NLN: variants seen among roughly 807,000 people sequenced by gnomAD.
NLN encodes neurolysin, mitochondrial.
Under a neutral mutation model 79.9 loss-of-function variants are expected in NLN, and 64 were observed. That is an observed-to-expected ratio of 0.80 (90% CI 0.65 to 0.99). NLN has a LOEUF of 0.99. NLN is among the 50% of genes least tolerant of loss of function. The pLI is 0.00. For synonymous variants in NLN, 267 were observed against 296.6 expected (o/e 0.90, Z 1.02); for missense variants, 835 against 858.7 (o/e 0.97, Z 0.34).
At position 65,825,303 on chromosome 5, in the gene NLN, T is replaced by C. The variant is rs1373149422; in HGVS notation, c.*2388T>C. 6.6e-6 allele frequency: 1 copy of C among 152,150 alleles called. No individual in the cohort carries two copies. Among genetic ancestry groups the C allele is most frequent in the African/African-American group, 2.4e-5 (1 of 41,412 alleles). 9.4% of individuals were successfully genotyped at this position (152,150 alleles called of 1,614,324 possible). A position where few individuals can be genotyped will look rare whatever the true frequency, so the allele number is the denominator to read the frequency against. On this transcript the variant is annotated 3_prime_UTR_variant, in exon 13 of 13. Transcript: ENST00000380985. Reference sequence around the variant, plus strand: ...GGTGGATAACTATGTAAATTGTAATTGGACAAATGTACACTTTAGATTTAT... The same window carrying C: ...GGTGGATAACTATGTAAATTGTAATCGGACAAATGTACACTTTAGATTTAT...
At chr5:65,807,162 G>A (rs1760431118) in intron 9 of NLN, among the ~76,000 whole-genome samples, 2 of 140,438 alleles carry the variant, frequency 1.4e-5, no homozygotes, top group Non-Finnish European at 3.0e-5. Flanking sequence ...GGGCAACAGA[G>A]CAAGACCCTG....
chr5:65,784,216 C>T (rs575409049), intron 6 of NLN, among the ~76,000 whole-genome samples: 37 of 152,188 alleles, frequency 2.4e-4, no homozygotes, highest in African/African-American at 8.4e-4. Flanking sequence ...TTTTCTTTTA[C>T]TTTAACATTT....
At chr5:65,794,893 A>G (rs1243875325) in intron 9 of NLN, among the ~76,000 whole-genome samples, 1 of 152,186 alleles carries the variant, frequency 6.6e-6, no homozygotes, top group African/African-American at 2.4e-5. Context: ...TCAACATTTT[A>G]TCTTTAACCT....
chr5:65,774,306 A>C (rs1759633738), intron 3 of NLN, among the ~76,000 whole-genome samples: 1 of 152,160 alleles, frequency 6.6e-6, no homozygotes, highest in Non-Finnish European at 1.5e-5. Flanking sequence ...TTTAAAAATC[A>C]CTTCTAAGAA....
intron 8 of NLN, 106 bp downstream of exon 8, chr5:65,788,590 C>G: frequency 2.6e-6 from 3 of 1,134,062 alleles, no homozygotes; most frequent in Non-Finnish European, 3.8e-6. Context: ...AATCCCAACA[C>G]TTTGGGAGGC....
intron 9 of NLN, among the ~76,000 whole-genome samples, chr5:65,795,107 C>T (rs1760146837): frequency 6.6e-6 from 1 of 151,818 alleles, no homozygotes; most frequent in Non-Finnish European, 1.5e-5. Flanking sequence ...AATCCCAGCA[C>T]TTTGGGAGGC....
chr5:65,777,484 A>G lies in NLN; in HGVS notation c.508A>G (p.Ile170Val), dbSNP rs373693094. 2.4e-5 allele frequency: 39 copies of G among 1,613,466 alleles called. No individual in the cohort carries two copies. The highest frequency in any genetic ancestry group is 3.2e-5 in the Non-Finnish European group (38 of 1,179,526). The change falls in exon 4 of 13, where the codon ATT (isoleucine) becomes GTT (valine). Residue 170 changes from isoleucine (I) to valine (V), a missense_variant. Coordinates refer to ENST00000380985, the MANE Select transcript of NLN (RefSeq NM_020726.5). The stretch of plus-strand genomic sequence containing the variant: ...GGCCAGACGATACTTGGAAAAGTCA[A>G]TTAAAATGGGGAAAAGAAATGGGCT... The part of the protein sequence containing the change: ...PEARRYLEKS[I>V]KMGKRNGLHL...
intron 12 of NLN, among the ~76,000 whole-genome samples, chr5:65,821,802 T>A (rs1360628826): frequency 6.6e-6 from 1 of 152,182 alleles, no homozygotes. Flanking sequence ...CCCTAGGACA[T>A]AAATCATTTT....
chr5:65,779,317 A>G (rs1338387333), intron 4 of NLN, among the ~76,000 whole-genome samples: 5 of 152,076 alleles, frequency 3.3e-5, no homozygotes. Context: ...AAATTTCATT[A>G]TGTAACATTG....
chr5:65,817,163 C>A (rs558876706), intron 12 of NLN, among the ~76,000 whole-genome samples: 1 of 152,114 alleles, frequency 6.6e-6, no homozygotes, highest in Non-Finnish European at 1.5e-5. Flanking sequence ...TGACTGCTTA[C>A]CTATAATAGC....
rs775435034 is a variant in NLN at position 65,809,698 on chromosome 5, A to C, written c.1711A>C (p.Thr571Pro). 1 of 1,583,346 alleles carries C rather than the reference A, an allele frequency of 6.3e-7. No individual in the cohort carries two copies. Among genetic ancestry groups the C allele is most frequent in the Non-Finnish European group, 8.6e-7 (1 of 1,168,310 alleles). ...EKLVASRLVN[T>P]GLLTLRQIVL... ...ACTTGTTGCTTCTAGGCTGGTCAAC[A>C]CAGGTATGACTTCTAATTTTAAAAA... The change falls in exon 10 of 13, where the codon ACA (threonine) becomes CCA (proline). Residue 571 changes from threonine to proline, a missense_variant. Transcript: ENST00000380985.
intron 4 of NLN, among the ~76,000 whole-genome samples, chr5:65,779,406 T>G (rs1759750610): frequency 6.6e-6 from 1 of 152,074 alleles, no homozygotes; most frequent in African/African-American, 2.4e-5. Context: ...TCATTTGATC[T>G]CCCACCTAAT....
chr5:65,739,465 T>A (rs1241571556), intron 1 of NLN, among the ~76,000 whole-genome samples: 3 of 152,198 alleles, frequency 2.0e-5, no homozygotes, highest in Non-Finnish European at 4.4e-5. Context: ...GTGAATAATA[T>A]ATAGCAAACA....
intron 3 of NLN, among the ~76,000 whole-genome samples, chr5:65,776,778 A>G (rs1056547451): frequency 2.0e-5 from 3 of 152,112 alleles, no homozygotes; most frequent in African/African-American, 4.8e-5. Flanking sequence ...GCTGCTGCAT[A>G]TAGATTCAAA....
At position 65,824,268 on chromosome 5, in the gene NLN, A is replaced by G. The variant is rs1431820557; in HGVS notation, c.*1353A>G. On this transcript the variant is annotated 3_prime_UTR_variant, in exon 13 of 13. Coordinates refer to ENST00000380985, the MANE Select transcript of NLN (RefSeq NM_020726.5). ...CCTTCCGATTCTCTAGTCCAAATGA[A>G]CTTTGTGCTAAATAAAAAATTATTA... 1.3e-5 allele frequency: 2 copies of G among 152,216 alleles called. No homozygotes were observed. Among genetic ancestry groups the G allele is most frequent in the Non-Finnish European group, 2.9e-5 (2 of 68,038 alleles). The allele number at this position is 152,216 out of a possible 1,614,324, so 9.4% of individuals were successfully genotyped here.
chr5:65,784,212 T>C (rs1759865172), intron 6 of NLN, among the ~76,000 whole-genome samples: 1 of 152,176 alleles, frequency 6.6e-6, no homozygotes, highest in South Asian at 2.1e-4. Flanking sequence ...AGTTTTTTCT[T>C]TTACTTTAAC....
At chr5:65,787,025 C>T (rs1759940065) in intron 7 of NLN, among the ~76,000 whole-genome samples, 1 of 152,164 alleles carries the variant, frequency 6.6e-6, no homozygotes, top group Non-Finnish European at 1.5e-5. Context: ...AGAATGTTTC[C>T]TTCAGTGGTG....
intron 4 of NLN, 188 bp from the exon 5 acceptor site, chr5:65,779,991 A>G: frequency 2.4e-6 from 1 of 424,144 alleles, no homozygotes; most frequent in South Asian, 4.5e-5. Flanking sequence ...ACATCCAGCT[A>G]ATTTTTGTAT....
At chr5:65,776,184 C>T (rs1419194977) in intron 3 of NLN, among the ~76,000 whole-genome samples, 2 of 152,144 alleles carry the variant, frequency 1.3e-5, no homozygotes, top group Non-Finnish European at 2.9e-5. Flanking sequence ...ACCTGGGAGG[C>T]GGAGGTTGCA....
Sources: allele counts gnomAD v4.1 joint callset (sites outside exome capture counted in the v4.1 genomes callset), GRCh38; gene constraint gnomAD v4.1.1; transcripts MANE v1.5; gene names NCBI Gene and HGNC (gene_info 2026-07-23, HGNC 2026-07-21).